NCKAP5: variants seen among roughly 807,000 people sequenced by gnomAD.
NCKAP5 encodes NCK associated protein 5.
A neutral mutation model predicts 167.0 loss-of-function variants in NCKAP5; 92 were observed. The ratio of observed to expected loss-of-function variants is 0.55; its 90% confidence interval spans 0.47 to 0.66. The LOEUF (loss-of-function observed/expected upper bound fraction) is 0.66, where lower values mean the gene tolerates loss of function less well. NCKAP5 is among the 30% of genes least tolerant of loss of function. The pLI, the probability that NCKAP5 is intolerant of heterozygous loss-of-function variation, is 0.00. For missense variants in NCKAP5, 2,378 were observed against 2,315.0 expected (o/e 1.03, Z -0.56); for synonymous variants, 891 against 877.4 (o/e 1.02, Z -0.27).
chr2:133,149,254 T>C (rs1017427393), intron 5 of NCKAP5, among the ~76,000 whole-genome samples: 1 of 152,210 alleles, frequency 6.6e-6, no homozygotes, highest in Non-Finnish European at 1.5e-5. Flanking sequence ...TCATTTGTCA[T>C]CCATTTTTTA....
chr2:133,383,525 A>G (rs1227703379), intron 3 of NCKAP5, among the ~76,000 whole-genome samples: 1 of 152,152 alleles, frequency 6.6e-6, no homozygotes, highest in Non-Finnish European at 1.5e-5. Context: ...CAATAAACAT[A>G]CGTGTGCATG....
intron 3 of NCKAP5, among the ~76,000 whole-genome samples, chr2:133,315,271 G>T (rs1003569802): frequency 2.0e-5 from 3 of 152,144 alleles, no homozygotes; most frequent in South Asian, 4.1e-4. Context: ...ATGCTAAGTT[G>T]TTGGATTCAG....
At chr2:132,713,357 T>A (rs1239736065) in intron 19 of NCKAP5, among the ~76,000 whole-genome samples, 1 of 147,282 alleles carries the variant, frequency 6.8e-6, no homozygotes, top group Non-Finnish European at 1.5e-5. Flanking sequence ...GTTCACAGAG[T>A]GACAAAACAT....
intron 3 of NCKAP5, among the ~76,000 whole-genome samples, chr2:133,313,043 A>G (rs1185491428): frequency 6.6e-6 from 1 of 152,170 alleles, no homozygotes; most frequent in Non-Finnish European, 1.5e-5. Context: ...CAGACTTTAA[A>G]AGTCTGTTTT....
chr2:132,859,841 A>G (rs932719591), intron 11 of NCKAP5, among the ~76,000 whole-genome samples: 3 of 152,168 alleles, frequency 2.0e-5, no homozygotes, highest in African/African-American at 7.2e-5. Flanking sequence ...CCCTCTCCCC[A>G]TTCATATGTT....
intron 3 of NCKAP5, among the ~76,000 whole-genome samples, chr2:133,510,171 C>G (rs1683361302): frequency 6.6e-6 from 1 of 151,992 alleles, no homozygotes; most frequent in African/African-American, 2.4e-5. Context: ...AGTGGCCCAG[C>G]AGAGGGAATG....
the NCKAP5 span, among the ~76,000 whole-genome samples, chr2:133,637,453 G>C: frequency 1.9e-5 from 1 of 52,486 alleles, no homozygotes; most frequent in African/African-American, 7.8e-5. Context: ...AGACTCTCCA[G>C]AACTTCATAT....
intron 3 of NCKAP5, among the ~76,000 whole-genome samples, chr2:133,409,264 C>T (rs1342973862): frequency 6.6e-6 from 1 of 152,206 alleles, no homozygotes; most frequent in African/African-American, 2.4e-5. Context: ...GACCTTACTA[C>T]CTGCTGTCCC....
intron 6 of NCKAP5, among the ~76,000 whole-genome samples, chr2:133,020,901 A>G (rs1035383555): frequency 6.6e-6 from 1 of 152,196 alleles, no homozygotes; most frequent in African/African-American, 2.4e-5. Flanking sequence ...ATAAGAGCGG[A>G]GCCCATGGAG....
chr2:132,944,099 G>A (rs951928749), intron 8 of NCKAP5, among the ~76,000 whole-genome samples: 2 of 152,214 alleles, frequency 1.3e-5, no homozygotes, highest in Non-Finnish European at 2.9e-5. Flanking sequence ...ATGGTGCAGG[G>A]ACTTGAACCG....
chr2:133,044,382 C>T (rs895045563), intron 6 of NCKAP5, among the ~76,000 whole-genome samples: 1 of 152,026 alleles, frequency 6.6e-6, no homozygotes, highest in African/African-American at 2.4e-5. Flanking sequence ...TCAATAAGAA[C>T]CCAACAAACA....
chr2:132,690,913 G>A (rs1448152353), intron 19 of NCKAP5, among the ~76,000 whole-genome samples: 3 of 152,068 alleles, frequency 2.0e-5, no homozygotes, highest in African/African-American at 7.2e-5. Flanking sequence ...GGACAGTCCA[G>A]CTTCTAGACT....
chr2:132,935,278 C>A (rs1046666769), intron 8 of NCKAP5, among the ~76,000 whole-genome samples: 1 of 152,140 alleles, frequency 6.6e-6, no homozygotes, highest in African/African-American at 2.4e-5. Flanking sequence ...AAGAGAAAAG[C>A]CAAGAAAACT....
At chr2:133,091,240 G>A (rs764813032) in intron 6 of NCKAP5, among the ~76,000 whole-genome samples, 2 of 152,046 alleles carry the variant, frequency 1.3e-5, no homozygotes, top group Non-Finnish European at 2.9e-5. Context: ...TTCTTCATAG[G>A]CATGCAAGAA....
chr2:133,316,986 C>T (rs1205231254), intron 3 of NCKAP5, among the ~76,000 whole-genome samples: 2 of 152,018 alleles, frequency 1.3e-5, no homozygotes, highest in African/African-American at 4.8e-5. Context: ...TTCTTCTTAC[C>T]CCTAAATCTC....
intron 3 of NCKAP5, among the ~76,000 whole-genome samples, chr2:133,428,437 A>G (rs1689949051): frequency 6.6e-6 from 1 of 152,136 alleles, no homozygotes; most frequent in Non-Finnish European, 1.5e-5. Flanking sequence ...GTGGAAGAAC[A>G]TTTCATTAGA....
At chr2:133,468,095 G>A (rs1369066581) in intron 3 of NCKAP5, among the ~76,000 whole-genome samples, 1 of 126,980 alleles carries the variant, frequency 7.9e-6, no homozygotes, top group African/African-American at 3.3e-5. Flanking sequence ...TCTTTTAATT[G>A]TGATGTTAGG....
intron 8 of NCKAP5, among the ~76,000 whole-genome samples, chr2:132,951,527 A>G (rs571739621): frequency 2.6e-5 from 4 of 152,258 alleles, no homozygotes; most frequent in East Asian, 3.9e-4. Flanking sequence ...GTAAAACTGC[A>G]TATTTCCCAC....
At chr2:132,794,018 G>T (rs1022089671) in intron 12 of NCKAP5, among the ~76,000 whole-genome samples, 8 of 151,400 alleles carry the variant, frequency 5.3e-5, no homozygotes, top group Non-Finnish European at 1.5e-5. Context: ...CATTTATGAG[G>T]TTTAAACTCT....
Sources: allele counts gnomAD v4.1 joint callset (sites outside exome capture counted in the v4.1 genomes callset), GRCh38; gene constraint gnomAD v4.1.1; transcripts MANE v1.5; gene names NCBI Gene and HGNC (gene_info 2026-07-23, HGNC 2026-07-21).